Variants in BRSK2 observed in about 807,000 individuals in gnomAD.
BRSK2 encodes BR serine/threonine kinase 2.
A neutral mutation model predicts 83.3 loss-of-function variants in BRSK2; 19 were observed. The observed-to-expected ratio is 0.23, with a 90% CI of 0.16 to 0.33. The LOEUF (loss-of-function observed/expected upper bound fraction) is 0.33. BRSK2 is among the 10% of genes least tolerant of loss of function. The pLI is 1.00. For synonymous variants in BRSK2, 519 were observed against 435.4 expected (o/e 1.19, Z -2.39); for missense variants, 798 against 1,042.3 (o/e 0.77, Z 3.23).
chr11:1,425,982 C>T (rs945117726), intron 1 of BRSK2, among the ~76,000 whole-genome samples: 15 of 152,230 alleles, frequency 9.9e-5, no homozygotes, highest in Admixed American at 7.9e-4. Context: ...TTCTGCTGTC[C>T]GGTGTGGTGC....
At chr11:1,394,423 A>C (rs1293096464) in intron 1 of BRSK2, among the ~76,000 whole-genome samples, 8 of 45,160 alleles carry the variant, frequency 1.8e-4, no homozygotes, top group Non-Finnish European at 1.9e-4. Flanking sequence ...GAGATGGGCC[A>C]TGGAGATGGG....
At chr11:1,395,722 TCGTGCTGGC>T (rs549516493) in intron 1 of BRSK2, among the ~76,000 whole-genome samples, 3 of 152,162 alleles carry the variant, frequency 2.0e-5, no homozygotes, top group African/African-American at 7.2e-5. Context: ...CCGGCCCTGA[TCGTGCTGGC>T]CGTGCTGGCC....
At chr11:1,392,594 C>G (rs1845794710) in intron 1 of BRSK2, among the ~76,000 whole-genome samples, 1 of 152,180 alleles carries the variant, frequency 6.6e-6, no homozygotes, top group Non-Finnish European at 1.5e-5. Flanking sequence ...CCGGCTGACC[C>G]AAGCTGGGGC....
In BRSK2 at chr11:1,438,101, T is replaced by C. The variant is rs1266926112; in HGVS notation, c.187-205T>C. On this transcript the variant is annotated intron_variant, in intron 2 of 19. Transcript: ENST00000528841. This position sits in a 1 kb window ranked among gnomAD's most constrained non-coding sequence, Gnocchi z 6.4. ...CAAAGGCCCCTGCGTCCCCCACAGCTGGCACCAAAGGCCCCTGCGTCCCCC... is the reference window on the plus strand; with the variant it reads ...CAAAGGCCCCTGCGTCCCCCACAGCCGGCACCAAAGGCCCCTGCGTCCCCC... 7.1e-6 allele frequency among the ~76,000 whole-genome samples: 1 copy of C among 140,000 alleles called. No individual in the cohort carries two copies. The allele number at this position is 140,000 out of a possible 152,430, so 91.8% of individuals were successfully genotyped here. A position where few individuals can be genotyped will look rare whatever the true frequency, so the allele number is the denominator to read the frequency against.
chr11:1,398,090 G>A (rs1297357618), intron 1 of BRSK2, among the ~76,000 whole-genome samples: 6 of 152,210 alleles, frequency 3.9e-5, no homozygotes, highest in Admixed American at 6.5e-5. Context: ...GTTTGCGGGG[G>A]CACAGGGAGC....
At chr11:1,434,170 C>T (rs1180812562) in intron 1 of BRSK2, among the ~76,000 whole-genome samples, 2 of 152,256 alleles carry the variant, frequency 1.3e-5, no homozygotes, top group Non-Finnish European at 2.9e-5. Flanking sequence ...CCCACACGGT[C>T]AGTAAACACC....
chr11:1,408,665 C>G (rs569906220), intron 1 of BRSK2, among the ~76,000 whole-genome samples: 1 of 152,184 alleles, frequency 6.6e-6, no homozygotes, highest in African/African-American at 2.4e-5. Context: ...GAACCCTCCC[C>G]GCTGGTCCTT....
In BRSK2 at chr11:1,440,709, G is replaced by A. The variant is rs1011998015; in HGVS notation, c.273-79G>A. The A allele has an allele frequency of 2.0e-6, 3 of 1,493,840 alleles. No homozygotes were observed. The African/African-American group carries it at 4.2e-5, about 21-fold the overall frequency. The allele number at this position is 1,493,840 out of a possible 1,614,324, so 92.5% of individuals were successfully genotyped here. A position where few individuals can be genotyped will look rare whatever the true frequency, so the allele number is the denominator to read the frequency against. ...GCCTGCAGAGAGGCTGGGCCAGGAG[G>A]CGGCTGTGGGAGGCCCTGGGATGAG... On this transcript the variant is annotated intron_variant, in intron 3 of 19. Transcript: ENST00000528841.
At chr11:1,446,158 AGCTGGGCTGGCCTGG>A (rs1324820744) in intron 12 of BRSK2, among the ~76,000 whole-genome samples, 3 of 134,852 alleles carry the variant, frequency 2.2e-5, no homozygotes, top group South Asian at 2.5e-4. Flanking sequence ...GGCTAGGCTG[AGCTGGGCTGGCCTGG>A]GCTGGGCTGG....
intron 12 of BRSK2, among the ~76,000 whole-genome samples, chr11:1,446,628 C>T (rs905767188): frequency 5.3e-5 from 8 of 151,534 alleles, no homozygotes; most frequent in South Asian, 2.1e-4. Flanking sequence ...GACCCGTGGC[C>T]GGAGGAAGGG....
intron 12 of BRSK2, 86 bp from the exon 13 acceptor site, chr11:1,449,690 G>A: frequency 1.6e-6 from 2 of 1,218,432 alleles, no homozygotes; most frequent in African/African-American, 3.0e-5. Flanking sequence ...GCCTCCTGGA[G>A]GGTTTACCTG....
intron 5 of BRSK2, 117 bp downstream of exon 5, chr11:1,442,723 C>T (rs879510631): frequency 2.4e-6 from 2 of 826,016 alleles, no homozygotes; most frequent in East Asian, 2.7e-5. Context: ...CACAGGCAGG[C>T]CCCCCACAAT....
chr11:1,417,475 A>G (rs1395981850), intron 1 of BRSK2, among the ~76,000 whole-genome samples: 6 of 152,240 alleles, frequency 3.9e-5, no homozygotes, highest in Non-Finnish European at 7.3e-5. Context: ...TAGCATTTAG[A>G]TCACCTGTGT....
intron 1 of BRSK2, among the ~76,000 whole-genome samples, chr11:1,413,005 C>G (rs1049841573): frequency 2.0e-5 from 3 of 152,182 alleles, no homozygotes; most frequent in African/African-American, 4.8e-5. Flanking sequence ...AGGCGCTGCC[C>G]CCGGCACCCC....
At chr11:1,410,760 G>A in intron 1 of BRSK2, 4 of 985,428 alleles carry the variant, frequency 4.1e-6, no homozygotes, top group Non-Finnish European at 3.6e-6. Flanking sequence ...AGGGGCTGGG[G>A]GACACCCCTT....
At chr11:1,417,852 G>T (rs181459347) in intron 1 of BRSK2, among the ~76,000 whole-genome samples, 2,430 of 135,992 alleles carry the variant, frequency 0.018, 44 homozygotes, top group Non-Finnish European at 0.025. Flanking sequence ...TCTCTTGAGA[G>T]TGGGTCACCT....
chr11:1,456,422 C>T lies in BRSK2; in HGVS notation c.1743C>T (p.Ala581=), dbSNP rs544772572. Residue 581 remains alanine (A), a synonymous_variant, in exon 17 of 20, where the codon GCC becomes GCT. Coordinates refer to ENST00000528841, the MANE Select transcript of BRSK2 (RefSeq NM_001256627.2). ...AGTACAAGGCCACGGGGGGGCCAGC[C>T]GTGTTCCAGAAGCCGGTCAAGTTCC... ...RAEYKATGGP[A]VFQKPVKFQV... 3.0e-5 allele frequency: 48 copies of T among 1,599,062 alleles called. 1 individual carries two copies. The highest frequency in any genetic ancestry group is 6.7e-5 in the East Asian group (3 of 44,732).
In BRSK2 at chr11:1,443,648, G is replaced by C. The variant is rs374984666; in HGVS notation, c.780+13G>C. 2 of 1,574,190 alleles carry C rather than the reference G, an allele frequency of 1.3e-6. No homozygotes were observed. The highest frequency in any genetic ancestry group is 1.7e-6 in the Non-Finnish European group (2 of 1,161,692). On this transcript the variant is annotated intron_variant, in intron 8 of 19. Coordinates refer to ENST00000528841, the MANE Select transcript of BRSK2 (RefSeq NM_001256627.2). The stretch of plus-strand genomic sequence containing the variant: ...ACGCCGCCTCACGGTGCGTGCCCTC[G>C]GAGCGGGGCGGCCCCAGAGCGTGGC...
intron 12 of BRSK2, among the ~76,000 whole-genome samples, chr11:1,448,218 G>A (rs1852436541): frequency 6.6e-6 from 1 of 152,200 alleles, no homozygotes; most frequent in African/African-American, 2.4e-5. Context: ...CAGAGTTGAA[G>A]CCGAGCAGCC....
Sources: allele counts gnomAD v4.1 joint callset (sites outside exome capture counted in the v4.1 genomes callset), GRCh38; gene constraint gnomAD v4.1.1; non-coding constraint Gnocchi (gnomAD v3.1); transcripts MANE v1.5; gene names NCBI Gene and HGNC (gene_info 2026-07-23, HGNC 2026-07-21).